The following SPRY3 variants were observed in gnomAD, a reference collection of about 807,000 sequenced individuals.
SPRY3 encodes sprouty RTK signaling antagonist 3.
SPRY3 carries 15 observed loss-of-function variants against 20.2 expected under a neutral mutation model. The observed-to-expected ratio is 0.74, with a 90% confidence interval of 0.50 to 1.14. The LOEUF is 1.14. SPRY3 is among the 50% of genes most tolerant of loss of function. SPRY3 has a pLI of 0.00. For synonymous variants in SPRY3, 143 were observed against 136.5 expected (o/e 1.05, Z -0.33); for missense variants, 364 against 363.9 (o/e 1.00, Z 0.00).
chrX:155,762,852 C>G (rs906377263), intron 2 of SPRY3, among the ~76,000 whole-genome samples: 19 of 152,118 alleles, frequency 1.2e-4, no homozygotes, highest in Non-Finnish European at 2.6e-4. Flanking sequence ...ACCCAGCAAT[C>G]CTAATATTGG....
exon 4 of SPRY3, chrX:155,774,054 T>C (rs2091403310): frequency 1.2e-6 from 2 of 1,613,872 alleles, no homozygotes; most frequent in Non-Finnish European, 1.7e-6. Context: ...TGCCTACTTC[T>C]CTCCCCCGCA....
At chrX:155,759,800 G>A (rs1193576750) in intron 2 of SPRY3, among the ~76,000 whole-genome samples, 1 of 152,174 alleles carries the variant, frequency 6.6e-6, no homozygotes, top group African/African-American at 2.4e-5. Flanking sequence ...ACACACAGAG[G>A]ACTTCTGTCC....
intron 1 of SPRY3, among the ~76,000 whole-genome samples, chrX:155,636,457 A>C (rs6642233): frequency 2.6e-4 from 29 of 111,924 alleles, no homozygotes; most frequent in African/African-American, 9.4e-4. Context: ...TGGGCTAAGG[A>C]TATATGAATT....
At position 155,728,190 on chromosome X, in the gene SPRY3, C is replaced by T. The variant is rs767906764; in HGVS notation, c.-281-39772C>T. 3.2e-4 allele frequency among the ~76,000 whole-genome samples: 49 copies of T among 152,282 alleles called. 1 individual carries two copies. The highest frequency in any genetic ancestry group is 1.1e-3 in the African/African-American group (46 of 41,552). On this transcript the variant is annotated intron_variant, in intron 2 of 3. Coordinates refer to ENST00000675360, the Ensembl canonical transcript of SPRY3. Reference sequence around the variant, plus strand: ...TACCTGATCCTTCCTCTGGAAGCTTCGTCCCAGAGGGGCACCTGCCTGTAT... The same window carrying T: ...TACCTGATCCTTCCTCTGGAAGCTTTGTCCCAGAGGGGCACCTGCCTGTAT...
intron 2 of SPRY3, among the ~76,000 whole-genome samples, chrX:155,692,183 T>TGG (rs2068104615): frequency 9.1e-6 from 1 of 109,386 alleles, no homozygotes; most frequent in Admixed American, 9.7e-5. Context: ...TGGGTACAGC[T>TGG]TTATATTTTA....
At chrX:155,682,648 G>A (rs1324597664) in intron 2 of SPRY3, among the ~76,000 whole-genome samples, 1 of 112,018 alleles carries the variant, frequency 8.9e-6, no homozygotes, top group African/African-American at 3.2e-5. Context: ...AGCCTCCTGA[G>A]TATCTGGGAC....
chrX:155,637,313 A>G (rs1260842713), intron 1 of SPRY3, among the ~76,000 whole-genome samples: 1 of 111,460 alleles, frequency 9.0e-6, no homozygotes, highest in Non-Finnish European at 1.9e-5. Context: ...TGTACTGGTT[A>G]TTAATAGTCT....
chrX:155,708,819 A>G (rs1226553498), intron 2 of SPRY3, among the ~76,000 whole-genome samples: 1 of 151,312 alleles, frequency 6.6e-6, no homozygotes, highest in Non-Finnish European at 1.5e-5. Context: ...CCCCATTGTT[A>G]TGCTATCAAA....
chrX:155,694,231 T>C (rs993812122), intron 2 of SPRY3, among the ~76,000 whole-genome samples: 2 of 112,488 alleles, frequency 1.8e-5, no homozygotes, highest in Admixed American at 9.4e-5. Flanking sequence ...TTTCAGACTA[T>C]TGTAATCTTT....
intron 1 of SPRY3, among the ~76,000 whole-genome samples, chrX:155,630,490 T>G (rs893210817): frequency 1.8e-5 from 2 of 111,880 alleles, no homozygotes; most frequent in Non-Finnish European, 3.8e-5. Context: ...ATAGTTTTGC[T>G]GGTATAGTAT....
intron 1 of SPRY3, among the ~76,000 whole-genome samples, chrX:155,631,646 G>A (rs2067906843): frequency 8.9e-6 from 1 of 112,184 alleles, no homozygotes; most frequent in African/African-American, 3.2e-5. Flanking sequence ...CATTCTGACT[G>A]TATATTTTTG....
intron 2 of SPRY3, among the ~76,000 whole-genome samples, chrX:155,731,595 G>A (rs1288171248): frequency 6.6e-6 from 1 of 151,906 alleles, no homozygotes; most frequent in Non-Finnish European, 1.5e-5. Flanking sequence ...AAATTGGACG[G>A]GGCAAAGATT....
At chrX:155,759,823 G>T (rs1251265742) in intron 2 of SPRY3, among the ~76,000 whole-genome samples, 1 of 151,960 alleles carries the variant, frequency 6.6e-6, no homozygotes, top group Non-Finnish European at 1.5e-5. Context: ...AGTCTATTGG[G>T]AAACACAGAG....
chrX:155,658,952 T>G (rs982164057), intron 2 of SPRY3, among the ~76,000 whole-genome samples: 1 of 111,719 alleles, frequency 9.0e-6, no homozygotes, highest in Non-Finnish European at 1.9e-5. Context: ...ATATGGTTAT[T>G]GTTTTTAATT....
intron 1 of SPRY3, among the ~76,000 whole-genome samples, chrX:155,650,593 T>C (rs1247622447): frequency 3.6e-5 from 4 of 111,702 alleles, no homozygotes; most frequent in Non-Finnish European, 5.6e-5. Flanking sequence ...TTAGATCAAG[T>C]TTATTAATTG....
exon 4 of SPRY3, chrX:155,773,924 T>C: frequency 6.2e-7 from 1 of 1,613,974 alleles, no homozygotes; most frequent in Non-Finnish European, 8.5e-7. Context: ...ATTGAACAGC[T>C]GCGCTCTACT....
At chrX:155,750,598 G>A (rs766494356) in intron 2 of SPRY3, among the ~76,000 whole-genome samples, 1 of 152,026 alleles carries the variant, frequency 6.6e-6, no homozygotes, top group African/African-American at 2.4e-5. Flanking sequence ...GGTTAAGTAA[G>A]ATGAACACTG....
chrX:155,638,721 G>A (rs2067932397), intron 1 of SPRY3, among the ~76,000 whole-genome samples: 1 of 110,846 alleles, frequency 9.0e-6, no homozygotes, highest in Non-Finnish European at 1.9e-5. Context: ...GTCATATTAT[G>A]TCTTTAAGCC....
intron 1 of SPRY3, among the ~76,000 whole-genome samples, chrX:155,639,571 A>G: frequency 8.9e-6 from 1 of 112,434 alleles, no homozygotes; most frequent in Non-Finnish European, 1.9e-5. Context: ...AAGGCTGAAT[A>G]ATATTCTGCT....
Sources: allele counts gnomAD v4.1 joint callset (sites outside exome capture counted in the v4.1 genomes callset), GRCh38; gene constraint gnomAD v4.1.1; transcripts MANE v1.5; gene names NCBI Gene and HGNC (gene_info 2026-07-23, HGNC 2026-07-21).